The following CDC14A variants were observed in gnomAD, a reference collection of about 807,000 sequenced individuals.
The protein encoded by CDC14A is cell division cycle 14A.
Under a neutral mutation model 74.4 loss-of-function variants are expected in CDC14A, and 53 were observed. That is an observed-to-expected ratio of 0.71 (90% CI 0.57 to 0.89). CDC14A has a LOEUF of 0.89. CDC14A is among the 40% of genes least tolerant of loss of function. CDC14A has a pLI of 0.00. For synonymous variants in CDC14A, 247 were observed against 258.4 expected (o/e 0.96, Z 0.43); for missense variants, 646 against 713.7 (o/e 0.91, Z 1.08).
Position 100,462,862 on chromosome 1 carries a change from C to G in CDC14A, c.819C>G (p.Ala273=), listed in dbSNP as rs28364884. The part of the protein sequence containing the change: ...FLNICENTEG[A]IAVHCKAGLG... ...ACATCTGTGAGAACACCGAAGGGGC[C>G]ATCGCCGTTCACTGCAAAGGTGTGT... Residue 273 remains alanine (A), a synonymous_variant, in exon 9 of 16, where the codon GCC becomes GCG. Coordinates refer to ENST00000336454, the MANE Select transcript of CDC14A (RefSeq NM_003672.4). 6.0e-3 allele frequency: 9,731 copies of G among 1,613,722 alleles called. 44 individuals are homozygous for G. The highest frequency in any genetic ancestry group is 7.5e-3 in the Non-Finnish European group (8,835 of 1,179,774).
At chr1:100,393,953 G>A (rs1395984020) in intron 4 of CDC14A, 8 of 199,962 alleles carry the variant, frequency 4.0e-5, no homozygotes, top group East Asian at 3.1e-4. Context: ...CCTCCCCACC[G>A]CAAAAAAAAA....
intron 4 of CDC14A, among the ~76,000 whole-genome samples, chr1:100,392,665 A>G (rs371856868): frequency 1.3e-5 from 2 of 152,214 alleles, no homozygotes; most frequent in South Asian, 4.1e-4. Flanking sequence ...TCTTTATTAG[A>G]CAAGGTAATA....
In CDC14A at chr1:100,507,415, T is replaced by C. The variant is rs151041885; in HGVS notation, c.1755+8153T>C. 4.0e-3 allele frequency among the ~76,000 whole-genome samples: 604 copies of C among 152,328 alleles called. 5 individuals are homozygous for C. Among genetic ancestry groups the C allele is most frequent in the African/African-American group, 0.013 (557 of 41,574 alleles). ...TATCTTGCCTGGCATCAGTGTGTAC[T>C]TTCAATCTTAGGGCTGCTTTTTTAG... On this transcript the variant is annotated intron_variant, in intron 15 of 15. Coordinates refer to ENST00000336454, the MANE Select transcript of CDC14A (RefSeq NM_003672.4).
At chr1:100,496,784 G>T (rs1647904153) in intron 13 of CDC14A, among the ~76,000 whole-genome samples, 1 of 152,336 alleles carries the variant, frequency 6.6e-6, no homozygotes, top group East Asian at 1.9e-4. Context: ...TTAAGCTGCT[G>T]TTTGGTGGGT....
At chr1:100,495,696 G>A (rs1390318566) in intron 12 of CDC14A, among the ~76,000 whole-genome samples, 2 of 152,134 alleles carry the variant, frequency 1.3e-5, no homozygotes, top group Non-Finnish European at 2.9e-5. Flanking sequence ...AGATTCACAG[G>A]GAATTTAGTT....
In CDC14A at chr1:100,424,279, A is replaced by C; in HGVS notation, c.367A>C (p.Asn123His). 1 of 1,613,488 alleles carries C rather than the reference A, an allele frequency of 6.2e-7. No individual in the cohort carries two copies. The highest frequency in any genetic ancestry group is 8.5e-7 in the Non-Finnish European group (1 of 1,179,452). ...CTACAGAGCACTCCTGTCTGGCTCA[A>C]ACCCCCCCTATCTTCCATTCAGGTA... The part of the protein sequence containing the change: ...EAYRALLSGS[N>H]PPYLPFRDAS... The change falls in exon 5 of 16, where the codon AAC becomes CAC. Residue 123 changes from asparagine (N) to histidine (H), a missense_variant. Asn to His is a moderately conservative substitution (Grantham distance 68, BLOSUM62 1). Transcript: ENST00000336454.
intron 3 of CDC14A, among the ~76,000 whole-genome samples, chr1:100,382,261 G>C (rs1233766701): frequency 1.4e-5 from 2 of 147,134 alleles, no homozygotes; most frequent in African/African-American, 2.5e-5. Context: ...CGTCACCTGG[G>C]CTGGAGTGCC....
intron 11 of CDC14A, among the ~76,000 whole-genome samples, chr1:100,494,539 C>T (rs1647485229): frequency 6.6e-6 from 1 of 152,160 alleles, no homozygotes; most frequent in African/African-American, 2.4e-5. Flanking sequence ...GCAGGAGAGT[C>T]TCCTCTGTTG....
intron 4 of CDC14A, among the ~76,000 whole-genome samples, chr1:100,412,695 T>G (rs1660869533): frequency 1.6e-5 from 1 of 64,268 alleles, no homozygotes; most frequent in Non-Finnish European, 2.6e-5. Flanking sequence ...TCCTGTATGT[T>G]TTATATATAT....
chr1:100,459,126 C>CACAGAG (rs1279905046), intron 8 of CDC14A, among the ~76,000 whole-genome samples: 4 of 144,686 alleles, frequency 2.8e-5, no homozygotes, highest in East Asian at 2.0e-4. Context: ...CACACACACA[C>CACAGAG]AGAGAGAGAG....
Position 100,467,017 on chromosome 1 carries a change from A to G in CDC14A, c.839-939A>G, listed in dbSNP as rs565880024. Among the ~76,000 whole-genome samples, 27 of 152,186 alleles carry G rather than the reference A, an allele frequency of 1.8e-4. 1 individual carries two copies. The highest frequency in any genetic ancestry group is 6.0e-4 in the African/African-American group (25 of 41,508). On this transcript the variant is annotated intron_variant, in intron 9 of 15. Transcript: ENST00000336454. ...TAAACAGATATGCAGTCTATCTGTG[A>G]CAGTGAAATTTCATGGGGACTGATT... is the stretch of plus-strand genomic sequence containing the variant.
intron 7 of CDC14A, among the ~76,000 whole-genome samples, chr1:100,443,534 C>T (rs1028985946): frequency 6.6e-6 from 1 of 151,490 alleles, no homozygotes; most frequent in Non-Finnish European, 1.5e-5. Context: ...AGGATTTCAC[C>T]ATGTTGCCCA....
intron 4 of CDC14A, among the ~76,000 whole-genome samples, chr1:100,401,388 G>A (rs868805630): frequency 6.6e-6 from 1 of 152,144 alleles, no homozygotes; most frequent in Middle Eastern, 3.2e-3. Context: ...CAGTTTTGTG[G>A]AAGTTTAATA....
chr1:100,484,733 A>T (rs995620852), intron 11 of CDC14A: 12 of 1,020,388 alleles, frequency 1.2e-5, no homozygotes, highest in Non-Finnish European at 1.3e-5. Context: ...TCTATTTGAA[A>T]ATTAAAATAA....
At chr1:100,477,427 A>T (rs1172623342) in intron 10 of CDC14A, among the ~76,000 whole-genome samples, 1 of 151,866 alleles carries the variant, frequency 6.6e-6, no homozygotes, top group Non-Finnish European at 1.5e-5. Context: ...GAGTCGTGTG[A>T]CTTAAGTGTT....
intron 15 of CDC14A, among the ~76,000 whole-genome samples, chr1:100,509,315 T>A (rs751146769): frequency 1.1e-4 from 17 of 152,234 alleles, no homozygotes; most frequent in Non-Finnish European, 2.1e-4. Context: ...TTATTGGCCT[T>A]CCTCATCCCT....
At chr1:100,457,750 A>G (rs1263591117) in intron 8 of CDC14A, among the ~76,000 whole-genome samples, 2 of 151,722 alleles carry the variant, frequency 1.3e-5, no homozygotes, top group East Asian at 3.9e-4. Flanking sequence ...GATTTAAGCC[A>G]CTGAGCCCAG....
At chr1:100,452,173 G>T (rs896123425) in intron 7 of CDC14A, among the ~76,000 whole-genome samples, 1 of 152,170 alleles carries the variant, frequency 6.6e-6, no homozygotes, top group African/African-American at 2.4e-5. Flanking sequence ...ACAGAAAAAT[G>T]TATTTGTGAC....
intron 7 of CDC14A, among the ~76,000 whole-genome samples, chr1:100,445,230 C>T (rs1364744941): frequency 6.6e-6 from 1 of 152,140 alleles, no homozygotes; most frequent in East Asian, 1.9e-4. Context: ...ACTCCCTAGC[C>T]CACACATCTA....
Sources: allele counts gnomAD v4.1 joint callset (sites outside exome capture counted in the v4.1 genomes callset), GRCh38; gene constraint gnomAD v4.1.1; transcripts MANE v1.5; gene names NCBI Gene and HGNC (gene_info 2026-07-23, HGNC 2026-07-21).